The following SLC30A6 variants were observed in gnomAD, a reference collection of about 807,000 sequenced individuals.
SLC30A6 encodes the protein zinc transporter 6.
A neutral mutation model predicts 63.0 loss-of-function variants in SLC30A6; 55 were observed. That is an observed-to-expected ratio of 0.87 (90% confidence interval 0.70 to 1.09). The LOEUF (loss-of-function observed/expected upper bound fraction) is 1.09. Among genes scored for constraint, SLC30A6 ranks in the 50% least tolerant of loss-of-function variants. SLC30A6 has a pLI of 0.00. For missense variants in SLC30A6, 587 were observed against 549.2 expected (o/e 1.07, Z -0.69); for synonymous variants, 224 against 186.1 (o/e 1.20, Z -1.66).
At chr2:32,187,713 A>G (rs1682959606) in intron 5 of SLC30A6, among the ~76,000 whole-genome samples, 1 of 152,156 alleles carries the variant, frequency 6.6e-6, no homozygotes. Flanking sequence ...TCTTCCTCAA[A>G]AACCTATTCC....
At chr2:32,190,517 A>G (rs1683234910) in intron 5 of SLC30A6, among the ~76,000 whole-genome samples, 2 of 151,692 alleles carry the variant, frequency 1.3e-5, no homozygotes, top group Admixed American at 1.3e-4. Flanking sequence ...CCTTTTGTGT[A>G]CTTGTTAAGA....
chr2:32,219,420 C>T (rs971430104), intron 13 of SLC30A6, among the ~76,000 whole-genome samples: 2 of 151,836 alleles, frequency 1.3e-5, no homozygotes, highest in Admixed American at 1.3e-4. Context: ...CTTCTGCCCC[C>T]TGAAATACTT....
At chr2:32,212,660 G>C (rs369836252) in intron 13 of SLC30A6, among the ~76,000 whole-genome samples, 2 of 123,264 alleles carry the variant, frequency 1.6e-5, no homozygotes, top group East Asian at 5.3e-4. Context: ...GCAATGGCTT[G>C]ATCTCGGCTC....
chr2:32,215,701 CTTATT>C (rs959311899), intron 13 of SLC30A6, among the ~76,000 whole-genome samples: 6 of 151,066 alleles, frequency 4.0e-5, no homozygotes, highest in African/African-American at 1.5e-4. Context: ...TTATTTATAT[CTTATT>C]TTATTTTTTA....
chr2:32,202,525 AT>A, intron 10 of SLC30A6: 1 of 299,536 alleles, frequency 3.3e-6, no homozygotes, highest in Non-Finnish European at 6.4e-6. Flanking sequence ...TAGAGACGGG[AT>A]TTCACCGTGT....
At chr2:32,178,141 G>T (rs1294056756) in intron 4 of SLC30A6, among the ~76,000 whole-genome samples, 1 of 151,386 alleles carries the variant, frequency 6.6e-6, no homozygotes, top group Admixed American at 6.6e-5. Flanking sequence ...TAGAGACAGG[G>T]TTTCACCGTG....
intron 11 of SLC30A6, among the ~76,000 whole-genome samples, chr2:32,206,184 T>A (rs1260491855): frequency 6.6e-6 from 1 of 151,312 alleles, no homozygotes; most frequent in Non-Finnish European, 1.5e-5. Context: ...CGGTGGCTCA[T>A]GCCTGTAATC....
intron 8 of SLC30A6, among the ~76,000 whole-genome samples, chr2:32,196,420 A>G (rs943902566): frequency 6.6e-6 from 1 of 152,212 alleles, no homozygotes; most frequent in Non-Finnish European, 1.5e-5. Context: ...TACTTTACAT[A>G]GAATAACCTA....
intron 2 of SLC30A6, among the ~76,000 whole-genome samples, chr2:32,172,668 C>T (rs951268618): frequency 2.0e-5 from 3 of 152,172 alleles, no homozygotes; most frequent in Admixed American, 1.3e-4. Context: ...CAAAACCATG[C>T]GACTGGTCTC....
chr2:32,211,476 T>G (rs2148898586), intron 13 of SLC30A6, among the ~76,000 whole-genome samples: 1 of 152,380 alleles, frequency 6.6e-6, no homozygotes, highest in South Asian at 2.1e-4. Context: ...TTAATTTTTT[T>G]CCTTTTATAT....
intron 1 of SLC30A6, among the ~76,000 whole-genome samples, chr2:32,170,400 T>C (rs1681093575): frequency 6.6e-6 from 1 of 152,200 alleles, no homozygotes; most frequent in South Asian, 2.1e-4. Flanking sequence ...CTGCTAAGGC[T>C]TTCCCATGTG....
chr2:32,169,517 G>A (rs113603704), intron 1 of SLC30A6, among the ~76,000 whole-genome samples: 10,550 of 152,226 alleles, frequency 0.069, 478 homozygotes, highest in Non-Finnish European at 0.097. Flanking sequence ...GGTGGCTCAC[G>A]CCTGTAATCC....
intron 13 of SLC30A6, among the ~76,000 whole-genome samples, chr2:32,212,799 T>G (rs2148901291): frequency 6.6e-6 from 1 of 151,524 alleles, no homozygotes; most frequent in Admixed American, 6.6e-5. Flanking sequence ...GGTTTCACCA[T>G]GTTGGCCAGG....
intron 5 of SLC30A6, among the ~76,000 whole-genome samples, chr2:32,185,300 C>T (rs1399096459): frequency 2.0e-5 from 3 of 150,576 alleles, no homozygotes; most frequent in Non-Finnish European, 2.9e-5. Flanking sequence ...TTTGAGGCTG[C>T]AGTGAGCTAT....
chr2:32,178,190 G>A (rs925331441), intron 4 of SLC30A6, among the ~76,000 whole-genome samples: 20 of 150,942 alleles, frequency 1.3e-4, no homozygotes, highest in African/African-American at 4.6e-4. Flanking sequence ...CTTGTGATCC[G>A]CCCGCCTCGG....
Position 32,210,515 on chromosome 2 carries a change from CAA to C in SLC30A6, c.885+976_885+977del, listed in dbSNP as rs3040860. Reference sequence around the variant, plus strand: ...GGGTGACAGAGTGAGACTCTGTCTCCAAAAAAAAAAAAAAAAAAAAAAACAAC... The same window carrying C: ...GGGTGACAGAGTGAGACTCTGTCTCCAAAAAAAAAAAAAAAAAAAAACAAC... On this transcript the variant is annotated intron_variant, in intron 13 of 13. Coordinates refer to ENST00000282587, the MANE Select transcript of SLC30A6 (RefSeq NM_017964.5). 2.9e-3 allele frequency among the ~76,000 whole-genome samples: 261 copies of C among 89,178 alleles called. 1 individual carries two copies. Among genetic ancestry groups the C allele is most frequent in the African/African-American group, 7.6e-3 (170 of 22,358 alleles). The allele number at this position is 89,178 out of a possible 152,430, so 58.5% of individuals were successfully genotyped here.
intron 7 of SLC30A6, among the ~76,000 whole-genome samples, chr2:32,193,400 C>A (rs972058923): frequency 6.6e-6 from 1 of 151,862 alleles, no homozygotes; most frequent in Non-Finnish European, 1.5e-5. Flanking sequence ...CAGAGTGAGA[C>A]CCTGTCTCCA....
intron 4 of SLC30A6, among the ~76,000 whole-genome samples, chr2:32,181,937 T>C (rs540847190): frequency 6.8e-4 from 101 of 147,952 alleles, no homozygotes; most frequent in African/African-American, 2.1e-3. Flanking sequence ...TCTTTTCTTT[T>C]TTTTTTTTTT....
At chr2:32,196,008 G>A (rs1683755242) in intron 8 of SLC30A6, among the ~76,000 whole-genome samples, 1 of 152,036 alleles carries the variant, frequency 6.6e-6, no homozygotes, top group African/African-American at 2.4e-5. Context: ...AACATAGCAA[G>A]ACTCTGGCTT....
Sources: gnomAD v4.1 joint callset for allele counts (sites outside exome capture counted in the v4.1 genomes callset) on GRCh38, gnomAD v4.1.1 for gene constraint, MANE v1.5 for transcripts, NCBI Gene and HGNC (gene_info 2026-07-23, HGNC 2026-07-21) for gene names.